Variants in ZNF469 observed in about 807,000 individuals in gnomAD.
ZNF469 encodes zinc finger protein 469.
Under a neutral mutation model 1.0 loss-of-function variants are expected in ZNF469, and 1 was observed. That is an observed-to-expected ratio of 1.00 (90% CI 0.35 to 4.73). The LOEUF is 4.73. ZNF469 is among the 30% of genes most tolerant of loss of function. The pLI is 0.16. For missense variants in ZNF469, 6,100 were observed against 5,356.3 expected (o/e 1.14, Z -4.33); for synonymous variants, 2,703 against 2,363.4 (o/e 1.14, Z -4.17).
chr16:88,266,296 C>A, the ZNF469 span, among the ~76,000 whole-genome samples: 1 of 152,196 alleles, frequency 6.6e-6, no homozygotes, highest in African/African-American at 2.4e-5. Flanking sequence ...GAGGCCAGGT[C>A]CACGCTGACC....
the ZNF469 span, among the ~76,000 whole-genome samples, chr16:88,181,638 G>C: frequency 6.6e-6 from 1 of 152,198 alleles, no homozygotes; most frequent in Non-Finnish European, 1.5e-5. Context: ...ATGACAATTT[G>C]TAGGTGCTGG....
At chr16:88,366,240 AACC>A in the ZNF469 span, among the ~76,000 whole-genome samples, 1 of 148,634 alleles carries the variant, frequency 6.7e-6, no homozygotes, top group African/African-American at 2.5e-5. Flanking sequence ...TCGTCACCAC[AACC>A]ACCATCACCA....
rs577890057 is a variant in ZNF469 at position 88,431,854 on chromosome 16, G to A, written c.4384G>A (p.Asp1462Asn). ...ATCCCTCTTCCCAGACCTGCCGGTG[G>A]ACAGATTCGACCCACCCCTCTATGG... Reference protein sequence around the residue: ...SSSLFPDLPVDRFDPPLYGSL... With the variant: ...SSSLFPDLPVNRFDPPLYGSL... Residue 1462 changes from aspartate to asparagine, a missense_variant, in exon 3 of 3, where the codon GAC becomes AAC. By Grantham distance (23) the Asp-to-Asn change is conservative. Transcript: ENST00000565624. 4.0e-5 allele frequency: 62 copies of A among 1,550,066 alleles called. No homozygotes were observed. In the East Asian group the frequency reaches 1.4e-3, roughly 35 times the overall value.
chr16:88,149,399 C>T, the ZNF469 span, among the ~76,000 whole-genome samples: 784 of 152,250 alleles, frequency 5.1e-3, 13 homozygotes, highest in Admixed American at 0.024. Context: ...TCTGTCAGGC[C>T]GGTGTCTGTG....
chr16:88,258,420 AC>A, the ZNF469 span, among the ~76,000 whole-genome samples: 231 of 34,284 alleles, frequency 6.7e-3, no homozygotes, highest in African/African-American at 0.023. Flanking sequence ...TCACCCCCCC[AC>A]CCCCCCAGCT....
At chr16:88,130,534 C>T in the ZNF469 span, among the ~76,000 whole-genome samples, 3 of 151,846 alleles carry the variant, frequency 2.0e-5, no homozygotes, top group African/African-American at 2.4e-5. Flanking sequence ...GGTGAAACCC[C>T]GTCTCTACTA....
intron 1 of ZNF469, among the ~76,000 whole-genome samples, chr16:88,418,669 C>A (rs1378307565): frequency 6.6e-6 from 1 of 151,958 alleles, no homozygotes; most frequent in East Asian, 1.9e-4. Flanking sequence ...GAACACCATT[C>A]CCCAGCCCCT....
chr16:88,284,490 A>C, the ZNF469 span, among the ~76,000 whole-genome samples: 1 of 152,208 alleles, frequency 6.6e-6, no homozygotes, highest in East Asian at 1.9e-4. Context: ...GGCCTGGTGT[A>C]ATCCCAGCTA....
chr16:88,152,233 G>A, the ZNF469 span, among the ~76,000 whole-genome samples: 2 of 152,260 alleles, frequency 1.3e-5, no homozygotes, highest in African/African-American at 4.8e-5. This position sits in a 1 kb window ranked among gnomAD's most constrained non-coding sequence, Gnocchi z 4.2. Flanking sequence ...CTAAGATTCT[G>A]CACCGGGCCC....
the ZNF469 span, among the ~76,000 whole-genome samples, chr16:88,186,064 G>T: frequency 2.6e-5 from 4 of 152,358 alleles, no homozygotes; most frequent in South Asian, 6.2e-4. Context: ...AAGCCGTCAG[G>T]TACCTACACT....
chr16:88,429,087 C>T lies in ZNF469; in HGVS notation c.1617C>T (p.Ser539=). 6.5e-7 allele frequency: 1 copy of T among 1,550,000 alleles called. No individual in the cohort carries two copies. Among genetic ancestry groups the T allele is most frequent in the African/African-American group, 1.4e-5 (1 of 73,140 alleles). ...GAGAGAAGCTGCCAGCCGTGAGAAG[C>T]AGCCAGGGCGGCTCCCCAGCACTGT... is the stretch of plus-strand genomic sequence containing the variant. ...GPREKLPAVR[S]SQGGSPALFT... is the part of the protein sequence containing the mutation. The change falls in exon 3 of 3, where the codon AGC becomes AGT. Residue 539 remains serine, a synonymous_variant. Coordinates refer to ENST00000565624, the MANE Select transcript of ZNF469 (RefSeq NM_001367624.2).
At chr16:88,225,785 C>T in the ZNF469 span, among the ~76,000 whole-genome samples, 6 of 152,204 alleles carry the variant, frequency 3.9e-5, no homozygotes, top group Non-Finnish European at 5.9e-5. Context: ...TCCCCACACA[C>T]GGACCTGCCA....
intron 1 of ZNF469, among the ~76,000 whole-genome samples, chr16:88,384,044 G>T (rs2092532016): frequency 6.6e-6 from 1 of 152,232 alleles, no homozygotes; most frequent in South Asian, 2.1e-4. Context: ...GGGCGGGGGG[G>T]CAGCTCAGCT....
At chr16:88,167,399 G>A in the ZNF469 span, among the ~76,000 whole-genome samples, 3 of 152,128 alleles carry the variant, frequency 2.0e-5, no homozygotes, top group African/African-American at 7.2e-5. Flanking sequence ...TGACCAGATG[G>A]GTCCCTGCAT....
At chr16:88,120,290 C>A in the ZNF469 span, among the ~76,000 whole-genome samples, 1 of 152,226 alleles carries the variant, frequency 6.6e-6, no homozygotes. Flanking sequence ...CTCTGGGGTC[C>A]TTGCAGGAGG....
Position 88,392,925 on chromosome 16 carries a change from A to C in ZNF469, c.-192+9671A>C, listed in dbSNP as rs371489627. ...GCTGGTCCTGAGTCCCAAGTCCCTG[A>C]AGCACTGACACCTGCTGAGGGTCGT... On this transcript the variant is annotated intron_variant, in intron 1 of 2. Transcript: ENST00000565624. Among the ~76,000 whole-genome samples, 3 of 152,204 alleles carry C rather than the reference A, an allele frequency of 2.0e-5. No individual in the cohort carries two copies. The East Asian group carries it at 5.8e-4, about 29-fold the overall frequency.
chr16:88,402,208 G>T (rs962857250), intron 1 of ZNF469, among the ~76,000 whole-genome samples: 1 of 151,298 alleles, frequency 6.6e-6, no homozygotes, highest in Non-Finnish European at 1.5e-5. Context: ...AAGGGGGAAT[G>T]AGTGGGTGGC....
At chr16:88,153,470 C>T in the ZNF469 span, among the ~76,000 whole-genome samples, 1 of 152,214 alleles carries the variant, frequency 6.6e-6, no homozygotes, top group African/African-American at 2.4e-5. Flanking sequence ...GTAGAATTTA[C>T]CCATTGCCCT....
intron 2 of ZNF469, among the ~76,000 whole-genome samples, chr16:88,426,043 G>A (rs1277407101): frequency 3.3e-5 from 5 of 152,236 alleles, no homozygotes; most frequent in South Asian, 2.1e-4. Context: ...CAGCCTCTGC[G>A]TTAGGAGTCC....
Sources: allele counts gnomAD v4.1 joint callset (sites outside exome capture counted in the v4.1 genomes callset), GRCh38; gene constraint gnomAD v4.1.1; non-coding constraint Gnocchi (gnomAD v3.1); transcripts MANE v1.5; gene names NCBI Gene and HGNC (gene_info 2026-07-23, HGNC 2026-07-21).